JMJD1C: variants seen among roughly 807,000 people sequenced by gnomAD.
The protein encoded by JMJD1C is jumonji domain-containing protein 1C.
JMJD1C carries 31 observed loss-of-function variants against 245.3 expected under a neutral mutation model. The ratio of observed to expected loss-of-function variants is 0.13; its 90% confidence interval spans 0.09 to 0.17. The LOEUF is 0.17. Ranked by LOEUF, JMJD1C falls within the 10% of genes least tolerant of loss-of-function variation. The pLI, the probability that JMJD1C is intolerant of heterozygous loss-of-function variation, is 1.00. For synonymous variants in JMJD1C, 1,057 were observed against 1,017.4 expected, an observed-to-expected ratio of 1.04 and a Z score of -0.74; for missense variants, 2,691 against 3,000.2, an observed-to-expected ratio of 0.90 and a Z score of 2.41.
At chr10:63,351,128 G>A (rs1944325973) in intron 2 of JMJD1C, among the ~76,000 whole-genome samples, 1 of 149,904 alleles carries the variant, frequency 6.7e-6, no homozygotes, top group South Asian at 2.1e-4. Flanking sequence ...ACCCAGGCTG[G>A]AATGCAGTGG....
chr10:63,360,275 C>G (rs951981913), intron 2 of JMJD1C, among the ~76,000 whole-genome samples: 1 of 152,112 alleles, frequency 6.6e-6, no homozygotes, highest in Non-Finnish European at 1.5e-5. Flanking sequence ...GTAGAAGCAT[C>G]ACTTGAGCCA....
intron 2 of JMJD1C, among the ~76,000 whole-genome samples, chr10:63,322,433 T>A (rs1374763145): frequency 6.6e-6 from 1 of 152,186 alleles, no homozygotes; most frequent in East Asian, 1.9e-4. Flanking sequence ...CTCAGTACGA[T>A]GATTTTAAAG....
At chr10:63,384,531 A>G (rs1947442798) in intron 1 of JMJD1C, among the ~76,000 whole-genome samples, 1 of 152,226 alleles carries the variant, frequency 6.6e-6, no homozygotes, top group African/African-American at 2.4e-5. Context: ...ACTGTCAATG[A>G]GAAGTAATAC....
At chr10:63,411,654 G>A (rs1230877720) in intron 1 of JMJD1C, among the ~76,000 whole-genome samples, 2 of 142,920 alleles carry the variant, frequency 1.4e-5, no homozygotes, top group Admixed American at 1.5e-4. Context: ...CCAGGCTGGA[G>A]TGCAGTGGCA....
chr10:63,396,255 A>C (rs1265128048), intron 1 of JMJD1C, among the ~76,000 whole-genome samples: 1 of 152,196 alleles, frequency 6.6e-6, no homozygotes, highest in African/African-American at 2.4e-5. Context: ...AAAGGGTAGA[A>C]GAATGAGACA....
chr10:63,493,524 C>T (rs536337706), intron 1 of JMJD1C, among the ~76,000 whole-genome samples: 9 of 152,144 alleles, frequency 5.9e-5, no homozygotes, highest in South Asian at 2.1e-4. Flanking sequence ...TCAGGTGAAC[C>T]GCCTGACTTG....
intron 2 of JMJD1C, among the ~76,000 whole-genome samples, chr10:63,350,460 G>T (rs1944256166): frequency 6.6e-6 from 1 of 152,042 alleles, no homozygotes; most frequent in South Asian, 2.1e-4. Context: ...CTATGAATTC[G>T]TTGAAGGATT....
chr10:63,471,009 T>C (rs568462775), intron 1 of JMJD1C, among the ~76,000 whole-genome samples: 1 of 152,220 alleles, frequency 6.6e-6, no homozygotes, highest in Non-Finnish European at 1.5e-5. Context: ...AAATGGAAAG[T>C]TGCCATTGAG....
At chr10:63,297,736 G>T (rs1859617367) in intron 2 of JMJD1C, among the ~76,000 whole-genome samples, 4 of 152,166 alleles carry the variant, frequency 2.6e-5, no homozygotes, top group Admixed American at 2.6e-4. Flanking sequence ...ACAGGGCCGG[G>T]CCAGCCCAGG....
intron 16 of JMJD1C, among the ~76,000 whole-genome samples, chr10:63,191,411 G>A (rs1264832509): frequency 6.6e-6 from 1 of 152,196 alleles, no homozygotes; most frequent in Non-Finnish European, 1.5e-5. Flanking sequence ...TGGGATTACA[G>A]GCGTGAGCCA....
intron 2 of JMJD1C, among the ~76,000 whole-genome samples, chr10:63,298,106 T>C (rs1158258527): frequency 6.6e-6 from 1 of 152,186 alleles, no homozygotes; most frequent in Non-Finnish European, 1.5e-5. Flanking sequence ...TGCCCCACTA[T>C]AGCAGCCAGT....
chr10:63,432,372 C>A (rs1178713103), intron 1 of JMJD1C, among the ~76,000 whole-genome samples: 1 of 152,152 alleles, frequency 6.6e-6, no homozygotes, highest in Non-Finnish European at 1.5e-5. Context: ...GTAATAAAAT[C>A]CCCCTGTGAA....
intron 1 of JMJD1C, among the ~76,000 whole-genome samples, chr10:63,509,291 A>AT (rs1954806847): frequency 6.6e-6 from 1 of 152,238 alleles, no homozygotes; most frequent in Non-Finnish European, 1.5e-5. Context: ...TGGTTGTGGT[A>AT]TATAATTTTT....
At chr10:63,173,809 TA>T (rs1432652314) in intron 24 of JMJD1C, among the ~76,000 whole-genome samples, 1 of 145,752 alleles carries the variant, frequency 6.9e-6, no homozygotes, top group East Asian at 2.0e-4. Flanking sequence ...CATTATCAGA[TA>T]AAAGACATTA....
intron 1 of JMJD1C, among the ~76,000 whole-genome samples, chr10:63,396,968 T>C (rs1168024798): frequency 2.0e-5 from 3 of 151,000 alleles, no homozygotes; most frequent in East Asian, 3.9e-4. Flanking sequence ...TCACTCTCGT[T>C]GTCTAAGCTG....
chr10:63,254,229 A>C (rs1353513921), intron 3 of JMJD1C, among the ~76,000 whole-genome samples: 1 of 152,128 alleles, frequency 6.6e-6, no homozygotes, highest in East Asian at 1.9e-4. Flanking sequence ...GCAAAACAAA[A>C]CTAGACAGCT....
intron 2 of JMJD1C, among the ~76,000 whole-genome samples, chr10:63,268,134 T>G (rs1003422749): frequency 6.7e-6 from 1 of 149,690 alleles, no homozygotes; most frequent in African/African-American, 2.5e-5. Flanking sequence ...AAAAACAGGC[T>G]TATTAACTGC....
At position 63,249,912 on chromosome 10, in the gene JMJD1C, ACAT is replaced by A. The variant is rs1419685022; in HGVS notation, c.447+14736_447+14738del. Among the ~76,000 whole-genome samples the A allele has an allele frequency of 2.0e-5, 3 of 152,228 alleles. No individual in the cohort carries two copies. In the East Asian group the frequency reaches 5.8e-4, roughly 29 times the overall value. ...ACAAGACAAATATTTAAGGTGTTGG[ACAT>A]CCCAATTACAATGATTTGATCTTTA... On this transcript the variant is annotated intron_variant, in intron 3 of 25. Transcript: ENST00000399262.
intron 2 of JMJD1C, among the ~76,000 whole-genome samples, chr10:63,323,588 A>G (rs1321625962): frequency 6.6e-6 from 1 of 152,214 alleles, no homozygotes; most frequent in Non-Finnish European, 1.5e-5. Context: ...AATGTTATCC[A>G]TTCAAAAACC....
Sources: allele counts gnomAD v4.1 joint callset (sites outside exome capture counted in the v4.1 genomes callset), GRCh38; gene constraint gnomAD v4.1.1; transcripts MANE v1.5; gene names NCBI Gene and HGNC (gene_info 2026-07-23, HGNC 2026-07-21).